The following COL12A1 variants were observed in gnomAD, a reference collection of about 807,000 sequenced individuals.
The protein encoded by COL12A1 is collagen alpha-1(XII) chain.
In COL12A1, 114 loss-of-function variants were observed where a neutral mutation model predicts 349.7. That is an observed-to-expected ratio of 0.33 (90% CI 0.28 to 0.38). The LOEUF is 0.38. Ranked by LOEUF, COL12A1 falls within the 10% of genes least tolerant of loss-of-function variation. The pLI is 1.00. For missense variants in COL12A1, 3,284 were observed against 3,756.9 expected, an observed-to-expected ratio of 0.87 and a Z score of 3.29; for synonymous variants, 1,369 against 1,329.0, an observed-to-expected ratio of 1.03 and a Z score of -0.66.
intron 14 of COL12A1, among the ~76,000 whole-genome samples, chr6:75,163,892 G>A (rs542915985): frequency 1.2e-4 from 19 of 152,146 alleles, no homozygotes; most frequent in African/African-American, 4.1e-4. Context: ...AAGACAAAAC[G>A]GAGGATAATT....
Position 75,132,093 on chromosome 6 carries a change from G to A in COL12A1, c.5795-11C>T, listed in dbSNP as rs1249713395. 6.2e-7 allele frequency: 1 copy of A among 1,612,910 alleles called. No individual in the cohort carries two copies. The highest frequency in any genetic ancestry group is 1.3e-5 in the African/African-American group (1 of 74,902). On this transcript the variant is annotated splice_polypyrimidine_tract_variant and intron_variant, in intron 34 of 65. Transcript: ENST00000322507. ...CCAGTCCTCTCATCACTGAGGAAATGAAGGCCAACATCTATTTTTTAAGTC... is the reference window on the plus strand; with the variant it reads ...CCAGTCCTCTCATCACTGAGGAAATAAAGGCCAACATCTATTTTTTAAGTC...
Position 75,202,832 on chromosome 6 carries a change from G to T in COL12A1, c.-35-5C>A. On this transcript the variant is annotated splice_polypyrimidine_tract_variant and splice_region_variant and intron_variant, in intron 1 of 65. Transcript: ENST00000322507. ...CTTACAGCGGCATGAAGAGATCTGC[G>T]GGAGGAAGTAGTGACTGCATCAGAA... The T allele has an allele frequency of 3.2e-6, 5 of 1,538,866 alleles. No individual in the cohort carries two copies. In the South Asian group the frequency reaches 6.0e-5, roughly 18 times the overall value.
chr6:75,166,706 T>C (rs1182800580), intron 13 of COL12A1, among the ~76,000 whole-genome samples: 1 of 152,186 alleles, frequency 6.6e-6, no homozygotes, highest in Admixed American at 6.5e-5. Context: ...AATTGTTGTA[T>C]ATTCATGCAA....
rs1188661493 is a variant in COL12A1, at chr6:75,155,703, C to T, written c.3402G>A (p.Val1134=). 3 of 1,612,038 alleles carry T rather than the reference C, an allele frequency of 1.9e-6. No individual in the cohort carries two copies. The South Asian group carries it at 3.3e-5, about 18-fold the overall frequency. ...CAACTGTGTTGTCATAGGGTCCAAC[C>T]ACTAACTCCCCCAGTCTTCTGTCAT... ...TGDDRRLGEL[V]VGPYDNTVVL... Residue 1134 remains valine, a synonymous_variant, in exon 16 of 66, where the codon GTG becomes GTA. Coordinates refer to ENST00000322507, the MANE Select transcript of COL12A1 (RefSeq NM_004370.6).
intron 60 of COL12A1, 87 bp from the exon 61 acceptor site, chr6:75,091,612 G>T: frequency 2.3e-6 from 3 of 1,317,880 alleles, no homozygotes; most frequent in Non-Finnish European, 2.1e-6. Context: ...ACGAGAACAA[G>T]TTCTGTTTTC....
chr6:75,182,095 CAA>C (rs66532054), intron 10 of COL12A1, among the ~76,000 whole-genome samples: 2,001 of 103,020 alleles, frequency 0.019, 36 homozygotes, highest in African/African-American at 0.062. Context: ...GACCCTGTCT[CAA>C]AAAAAAAAAA....
chr6:75,185,691 G>A (rs1313283253), intron 8 of COL12A1, among the ~76,000 whole-genome samples: 2 of 152,148 alleles, frequency 1.3e-5, no homozygotes, highest in African/African-American at 4.8e-5. Flanking sequence ...CAATGCTGGA[G>A]GTGCAGGCTA....
At chr6:75,161,503 G>A (rs2149432551) in intron 14 of COL12A1, among the ~76,000 whole-genome samples, 1 of 152,054 alleles carries the variant, frequency 6.6e-6, no homozygotes, top group South Asian at 2.1e-4. Flanking sequence ...TTTCATTCCT[G>A]CCACGTCTGC....
In COL12A1 at chr6:75,177,574, CATT is replaced by C. The variant is rs1769027904; in HGVS notation, c.2437+86_2437+88del. On this transcript the variant is annotated intron_variant, in intron 12 of 65. Transcript: ENST00000322507. ...CTCAAACAATTGAAACAAAGTGTCT[CATT>C]AGTTTTTTATCTGGATAGTTGTCCC... is the stretch of plus-strand genomic sequence containing the variant. 4 of 1,476,334 alleles carry C rather than the reference CATT, an allele frequency of 2.7e-6. No homozygotes were observed. The African/African-American group carries it at 4.2e-5, about 16-fold the overall frequency. 91.5% of individuals were successfully genotyped at this position (1,476,334 alleles called of 1,614,324 possible).
Position 75,117,455 on chromosome 6 carries a change from A to G in COL12A1, c.7446T>C (p.Ile2482=), listed in dbSNP as rs745549241. 47 of 1,613,802 alleles carry G rather than the reference A, an allele frequency of 2.9e-5. No individual in the cohort carries two copies. The East Asian group carries it at 7.4e-4, about 25-fold the overall frequency. Residue 2482 remains isoleucine (I), a synonymous_variant, in exon 47 of 66, where the codon ATT becomes ATC. Coordinates refer to ENST00000322507, the MANE Select transcript of COL12A1 (RefSeq NM_004370.6). Reference sequence around the variant, plus strand: ...TCTCAAAAGATTCAAAGTCGTCCACAATGAACACGTGCCGTTCACTTGGTT... The same window carrying G: ...TCTCAAAAGATTCAAAGTCGTCCACGATGAACACGTGCCGTTCACTTGGTT... ...ASKPSERHVF[I]VDDFESFEKI... is the part of the protein sequence containing the mutation.
At chr6:75,156,867 G>C (rs1054010370) in intron 14 of COL12A1, among the ~76,000 whole-genome samples, 3 of 152,132 alleles carry the variant, frequency 2.0e-5, no homozygotes, top group African/African-American at 7.2e-5. Flanking sequence ...AATTTATCCA[G>C]TAATAATGCT....
At chr6:75,123,888 T>C in intron 42 of COL12A1, 60 bp downstream of exon 42, 1 of 1,530,942 alleles carries the variant, frequency 6.5e-7, no homozygotes, top group Non-Finnish European at 8.8e-7. Flanking sequence ...AAGTCTTCCT[T>C]ACCTAGAGCA....
chr6:75,180,651 G>A (rs191822084), intron 11 of COL12A1, among the ~76,000 whole-genome samples: 55 of 151,886 alleles, frequency 3.6e-4, no homozygotes, highest in African/African-American at 1.3e-3. Flanking sequence ...TGAAATTTGG[G>A]ACCAAAAAAG....
chr6:75,147,852 C>G (rs753165582), intron 22 of COL12A1, 48 bp from the exon 23 acceptor site: 1 of 1,588,412 alleles, frequency 6.3e-7, no homozygotes, highest in Non-Finnish European at 8.6e-7. Context: ...TAATCAGTTC[C>G]CTTTTTCCTA....
rs752550335 is a variant in COL12A1 at position 75,138,498 on chromosome 6, A to C, written c.5180T>G (p.Ile1727Ser). 28 of 1,613,960 alleles carry C rather than the reference A, an allele frequency of 1.7e-5. No homozygotes were observed. Among genetic ancestry groups the C allele is most frequent in the Non-Finnish European group, 2.3e-5 (27 of 1,179,964 alleles). Residue 1727 changes from isoleucine to serine, a missense_variant, in exon 29 of 66, where the codon ATC becomes AGC. Around this residue, in one of 2 missense-constraint regions of COL12A1, gnomAD observed 2,601 missense variants for 2,824.8 expected, o/e 0.92. Transcript: ENST00000322507. ...ATCACTTTCTGACTCATCAGGATAG[A>C]TGGCAGTAATGGAAACTTCATAGAT... ...NTIYEVSITA[I>S]YPDESESDDL...
At position 75,133,990 on chromosome 6, in the gene COL12A1, T is replaced by C; in HGVS notation, c.5532A>G (p.Leu1844=). 2 of 1,613,424 alleles carry C rather than the reference T, an allele frequency of 1.2e-6. No homozygotes were observed. The highest frequency in any genetic ancestry group is 2.2e-5 in the East Asian group (1 of 44,816). ...RMTGRGKTKP[L]NTVRNLRVYD... ...ACACTCTCAGGTTCCTTACAGTGTT[T>C]AGAGGTTCTGAAATGCACAGAAATC... The change falls in exon 33 of 66, where the codon CTA becomes CTG. Residue 1844 remains leucine (L), a synonymous_variant. Transcript: ENST00000322507.
chr6:75,192,196 T>C lies in COL12A1; in HGVS notation c.334+16A>G. The C allele has an allele frequency of 6.8e-7, 1 of 1,474,322 alleles. No homozygotes were observed. 91.3% of individuals were successfully genotyped at this position (1,474,322 alleles called of 1,614,324 possible). On this transcript the variant is annotated intron_variant, in intron 4 of 65. Transcript: ENST00000322507. Reference sequence around the variant, plus strand: ...ATAAAAATTATACAAATATTTTATTTTATATGTGTGCTTACTTGTTAGTTG... The same window carrying C: ...ATAAAAATTATACAAATATTTTATTCTATATGTGTGCTTACTTGTTAGTTG...
chr6:75,129,871 G>C (rs1307703778), intron 37 of COL12A1, among the ~76,000 whole-genome samples: 2 of 152,054 alleles, frequency 1.3e-5, no homozygotes, highest in South Asian at 4.2e-4. Flanking sequence ...TCTGTCTTTA[G>C]AATAAAAATG....
chr6:75,153,725 A>G (rs1333011383), intron 17 of COL12A1, among the ~76,000 whole-genome samples: 18 of 152,156 alleles, frequency 1.2e-4, no homozygotes, highest in Admixed American at 1.1e-3. Context: ...AACTATCAGA[A>G]GTAAACTCTG....
Sources: gnomAD v4.1 joint callset for allele counts (sites outside exome capture counted in the v4.1 genomes callset) on GRCh38, gnomAD v4.1.1 for gene constraint, gnomAD v4.1.1 regional missense constraint, MANE v1.5 for transcripts, NCBI Gene and HGNC (gene_info 2026-07-23, HGNC 2026-07-21) for gene names.